ADAMTS18: variants seen among roughly 807,000 people sequenced by gnomAD.
ADAMTS18 encodes ADAM metallopeptidase with thrombospondin type 1 motif 18, also known as A disintegrin and metalloproteinase with thrombospondin motifs 18.
In ADAMTS18, 157 loss-of-function variants were observed where a neutral mutation model predicts 165.9. The ratio of observed to expected loss-of-function variants is 0.95; its 90% confidence interval spans 0.83 to 1.08. The LOEUF is 1.08. Ranked by LOEUF, ADAMTS18 falls within the 50% of genes least tolerant of loss-of-function variation. ADAMTS18 has a pLI of 0.00. For missense variants in ADAMTS18, 2,040 were observed against 1,534.0 expected, an observed-to-expected ratio of 1.33 and a Z score of -5.51; for synonymous variants, 782 against 578.2, an observed-to-expected ratio of 1.35 and a Z score of -5.06.
intron 3 of ADAMTS18, among the ~76,000 whole-genome samples, chr16:77,387,108 T>C (rs1326982133): frequency 3.3e-5 from 5 of 152,206 alleles, no homozygotes; most frequent in African/African-American, 9.7e-5. Flanking sequence ...GTTAGGCAAA[T>C]GCACATGCGG....
rs898504796 is a variant in ADAMTS18, at chr16:77,321,196, C to T, written c.2170G>A (p.Gly724Arg). The T allele has an allele frequency of 1.9e-6, 3 of 1,614,118 alleles. No individual in the cohort carries two copies. Among genetic ancestry groups the T allele is most frequent in the Non-Finnish European group, 2.5e-6 (3 of 1,180,020 alleles). Residue 724 changes from glycine (G) to arginine (R), a missense_variant, in exon 15 of 23, where the codon GGA (glycine) becomes AGA (arginine). Gly to Arg is a moderately radical substitution (Grantham distance 125, BLOSUM62 -2). Coordinates refer to ENST00000282849, the MANE Select transcript of ADAMTS18 (RefSeq NM_199355.4). ...TTAGAGCCTAGTTCATGATCACATC[C>T]CACTAGCTGTGACAAAAACAAAAAA... ...VCIDGVCELV[G>R]CDHELGSKAV...
intron 17 of ADAMTS18, among the ~76,000 whole-genome samples, chr16:77,298,660 C>T (rs1006730723): frequency 6.6e-6 from 1 of 152,142 alleles, no homozygotes; most frequent in Non-Finnish European, 1.5e-5. Context: ...GGCATAGTGG[C>T]AGGCACCTGC....
At chr16:77,312,707 T>G (rs1373970646) in intron 16 of ADAMTS18, among the ~76,000 whole-genome samples, 2 of 152,194 alleles carry the variant, frequency 1.3e-5, no homozygotes, top group Admixed American at 6.5e-5. Context: ...TCATCATCAC[T>G]GGCCATCAGA....
At chr16:77,296,566 C>T in intron 18 of ADAMTS18, among the ~76,000 whole-genome samples, 1 of 152,156 alleles carries the variant, frequency 6.6e-6, no homozygotes, top group Admixed American at 6.5e-5. Flanking sequence ...AAAAAAGCAC[C>T]TCACGCCTGT....
intron 3 of ADAMTS18, among the ~76,000 whole-genome samples, chr16:77,411,999 A>T (rs2057471161): frequency 6.6e-6 from 1 of 151,840 alleles, no homozygotes; most frequent in South Asian, 2.1e-4. Context: ...GTGCCCAAAG[A>T]TTTAAGCATC....
chr16:77,396,952 G>A (rs1213442506), intron 3 of ADAMTS18, among the ~76,000 whole-genome samples: 6 of 151,898 alleles, frequency 4.0e-5, no homozygotes, highest in Non-Finnish European at 5.9e-5. Flanking sequence ...GATTACAGGC[G>A]CCCGCCACCA....
chr16:77,379,235 A>C (rs2056997163), intron 3 of ADAMTS18, among the ~76,000 whole-genome samples: 1 of 152,068 alleles, frequency 6.6e-6, no homozygotes, highest in African/African-American at 2.4e-5. Context: ...CACCAATTCA[A>C]ATGTTTAACT....
At chr16:77,344,109 A>G (rs902794218) in intron 10 of ADAMTS18, among the ~76,000 whole-genome samples, 20 of 147,904 alleles carry the variant, frequency 1.4e-4, no homozygotes, top group Admixed American at 1.2e-3. Flanking sequence ...AACCAGATGT[A>G]TATATATATA....
Position 77,364,306 on chromosome 16 carries a change from G to T in ADAMTS18, c.854C>A (p.Ser285Ter), listed in dbSNP as rs1352060106. 1 of 1,613,794 alleles carries T rather than the reference G, an allele frequency of 6.2e-7. No homozygotes were observed. The highest frequency in any genetic ancestry group is 1.3e-5 in the African/African-American group (1 of 74,812). Residue 285 changes from serine (S) to a stop codon, truncating the protein, a stop_gained, in exon 5 of 23, where the codon TCA becomes TAA. Coordinates refer to ENST00000282849, the MANE Select transcript of ADAMTS18 (RefSeq NM_199355.4). LOFTEE classifies it high-confidence loss of function. ...EYGSSGRPRR[S>*]AGKSQKGLNV... ...GAGGCCCTTTTGTGATTTTCCAGCT[G>T]ATCTTCTGGGTCGCCCAGAGCTCCC...
chr16:77,355,134 C>A (rs1483146423), intron 9 of ADAMTS18, among the ~76,000 whole-genome samples: 1 of 151,418 alleles, frequency 6.6e-6, no homozygotes, highest in Admixed American at 6.6e-5. Context: ...TCACTAACAT[C>A]TGTTCAAAGA....
At chr16:77,290,974 C>T (rs80060947) in intron 21 of ADAMTS18, 8,201 of 458,194 alleles carry the variant, frequency 0.018, 143 homozygotes, top group South Asian at 0.044. Flanking sequence ...ACAGCAATGA[C>T]CAACATTAGC....
At position 77,320,089 on chromosome 16, in the gene ADAMTS18, A is replaced by G. The variant is rs1157581710; in HGVS notation, c.2292T>C (p.Tyr764=). ...CAGCTGGAATGAGGACCACCGGATA[A>G]TATTCTAAATGGAAAGAAGAGAACA... ...LYLNQHKANE[Y]YPVVLIPAGA... Residue 764 remains tyrosine (Y), a synonymous_variant, in exon 16 of 23, where the codon TAT becomes TAC. Coordinates refer to ENST00000282849, the MANE Select transcript of ADAMTS18 (RefSeq NM_199355.4). 6.2e-7 allele frequency: 1 copy of G among 1,614,144 alleles called. No individual in the cohort carries two copies. Among genetic ancestry groups the G allele is most frequent in the East Asian group, 2.2e-5 (1 of 44,860 alleles).
intron 3 of ADAMTS18, among the ~76,000 whole-genome samples, chr16:77,422,568 G>A (rs1324851419): frequency 1.3e-5 from 2 of 149,306 alleles, no homozygotes; most frequent in African/African-American, 4.9e-5. Context: ...AAGGGAGGGA[G>A]AAAGAAAGGA....
intron 22 of ADAMTS18, among the ~76,000 whole-genome samples, chr16:77,286,877 T>C (rs1272071501): frequency 1.3e-5 from 2 of 152,150 alleles, no homozygotes; most frequent in Admixed American, 6.5e-5. Flanking sequence ...GAATTTTATG[T>C]ATAATATGTA....
intron 12 of ADAMTS18, among the ~76,000 whole-genome samples, chr16:77,334,739 ATATATACTGTATAC>A (rs2056268507): frequency 8.5e-6 from 1 of 117,232 alleles, no homozygotes; most frequent in Non-Finnish European, 1.7e-5. Flanking sequence ...ATACTATAGT[ATATATACTGTATAC>A]TATAGTATAC....
At chr16:77,298,547 T>C (rs1349506398) in intron 17 of ADAMTS18, among the ~76,000 whole-genome samples, 1 of 152,136 alleles carries the variant, frequency 6.6e-6, no homozygotes, top group East Asian at 1.9e-4. Flanking sequence ...ATCCCAGCAC[T>C]TTGGGAGGTC....
intron 16 of ADAMTS18, among the ~76,000 whole-genome samples, chr16:77,313,946 C>A (rs1015428814): frequency 6.6e-6 from 1 of 152,098 alleles, no homozygotes; most frequent in African/African-American, 2.4e-5. Context: ...ATTTCTATGC[C>A]TTAGGTTTAA....
chr16:77,357,574 G>T (rs1319389841), intron 8 of ADAMTS18, among the ~76,000 whole-genome samples: 1 of 152,182 alleles, frequency 6.6e-6, no homozygotes, highest in African/African-American at 2.4e-5. Context: ...CCCAGAAACA[G>T]AGATGGGGTA....
chr16:77,406,499 T>C (rs1277072347), intron 3 of ADAMTS18, among the ~76,000 whole-genome samples: 1 of 151,916 alleles, frequency 6.6e-6, no homozygotes, highest in Admixed American at 6.6e-5. Context: ...AAACAATAAA[T>C]AAATAAACAA....
Sources: allele counts gnomAD v4.1 joint callset (sites outside exome capture counted in the v4.1 genomes callset), GRCh38; gene constraint gnomAD v4.1.1; transcripts MANE v1.5; gene names NCBI Gene and HGNC (gene_info 2026-07-23, HGNC 2026-07-21).